The following KCND2 variants were observed in gnomAD, a reference collection of about 807,000 sequenced individuals.
KCND2 encodes the protein A-type voltage-gated potassium channel KCND2.
Under a neutral mutation model 54.4 loss-of-function variants are expected in KCND2, and 16 were observed. That is an observed-to-expected ratio of 0.29 (90% CI 0.20 to 0.45). KCND2 has a LOEUF of 0.45. KCND2 is among the 20% of genes least tolerant of loss of function. KCND2 has a pLI of 1.00. For missense variants in KCND2, 486 were observed against 824.2 expected, an observed-to-expected ratio of 0.59 and a Z score of 5.02; for synonymous variants, 317 against 310.7, an observed-to-expected ratio of 1.02 and a Z score of -0.21.
intron 1 of KCND2, among the ~76,000 whole-genome samples, chr7:120,380,566 A>G (rs1800903116): frequency 1.3e-5 from 2 of 152,052 alleles, no homozygotes; most frequent in African/African-American, 2.4e-5. Flanking sequence ...TCATCATTAG[A>G]TAGATAATAT....
chr7:120,702,854 C>T (rs942339111), intron 1 of KCND2, among the ~76,000 whole-genome samples: 1 of 152,010 alleles, frequency 6.6e-6, no homozygotes, highest in Admixed American at 6.6e-5. Context: ...ACCTGAGTGA[C>T]AAAATAATCT....
intron 1 of KCND2, among the ~76,000 whole-genome samples, chr7:120,630,061 A>G (rs1793214421): frequency 6.6e-6 from 1 of 152,128 alleles, no homozygotes; most frequent in Admixed American, 6.5e-5. Context: ...ACACCAAAGG[A>G]AAGAAGTCCC....
rs1273708047 is a variant in KCND2, at chr7:120,733,002, T to A, written c.1215T>A (p.Ile405=). Residue 405 remains isoleucine, a synonymous_variant, in exon 2 of 6, where the codon ATT becomes ATA. Transcript: ENST00000331113. ...VLVIALPVPV[I]VSNFSRIYHQ... is the part of the protein sequence containing the mutation. ...TCATTGCTCTACCTGTTCCGGTGAT[T>A]GTATCCAACTTCAGTCGCATCTACC... The A allele has an allele frequency of 6.2e-7, 1 of 1,613,578 alleles. No individual in the cohort carries two copies. Among genetic ancestry groups the A allele is most frequent in the Non-Finnish European group, 8.5e-7 (1 of 1,179,774 alleles).
chr7:120,462,007 A>G (rs1802290821), intron 1 of KCND2, among the ~76,000 whole-genome samples: 1 of 152,172 alleles, frequency 6.6e-6, no homozygotes, highest in South Asian at 2.1e-4. Context: ...AATGTCAAAC[A>G]TAAAATTATA....
At chr7:120,683,103 A>G (rs1172841211) in intron 1 of KCND2, among the ~76,000 whole-genome samples, 2 of 152,160 alleles carry the variant, frequency 1.3e-5, no homozygotes, top group Non-Finnish European at 2.9e-5. Flanking sequence ...CTTAGACAAT[A>G]TATTGATTTA....
chr7:120,355,087 T>C (rs1158978681), intron 1 of KCND2, among the ~76,000 whole-genome samples: 1 of 152,188 alleles, frequency 6.6e-6, no homozygotes, highest in East Asian at 1.9e-4. Flanking sequence ...CTCTCTAACA[T>C]ACATATAGAG....
chr7:120,275,724 C>T lies in KCND2; in HGVS notation c.1092C>T (p.Thr364=), dbSNP rs573823442. 3 of 1,600,566 alleles carry T rather than the reference C, an allele frequency of 1.9e-6. No homozygotes were observed. The highest frequency in any genetic ancestry group is 1.1e-5 in the South Asian group (1 of 91,080). ...FTSIPAAFWY[T]IVTMTTLGYG... ...GCATCCCTGCAGCCTTCTGGTATAC[C>T]ATCGTCACCATGACAACACTAGGGT... The change falls in exon 1 of 6, where the codon ACC becomes ACT. Residue 364 remains threonine, a synonymous_variant. Transcript: ENST00000331113.
At chr7:120,563,759 C>T (rs569996987) in intron 1 of KCND2, among the ~76,000 whole-genome samples, 1 of 152,264 alleles carries the variant, frequency 6.6e-6, no homozygotes, top group South Asian at 2.1e-4. Context: ...CCATGTAATA[C>T]CCTATCCCCA....
chr7:120,545,650 T>G (rs1792033568), intron 1 of KCND2, among the ~76,000 whole-genome samples: 1 of 151,830 alleles, frequency 6.6e-6, no homozygotes. Context: ...AGGCATACTC[T>G]GTGTATCTCT....
intron 1 of KCND2, among the ~76,000 whole-genome samples, chr7:120,629,862 C>A (rs909229170): frequency 2.2e-4 from 33 of 152,022 alleles, no homozygotes; most frequent in African/African-American, 8.0e-4. Flanking sequence ...TATATTGGAA[C>A]AAATAAGTGG....
intron 1 of KCND2, among the ~76,000 whole-genome samples, chr7:120,339,558 T>A (rs1800210030): frequency 6.6e-6 from 1 of 151,618 alleles, no homozygotes; most frequent in African/African-American, 2.4e-5. Context: ...TGTGTCCAGG[T>A]GAGTAGGATA....
intron 1 of KCND2, among the ~76,000 whole-genome samples, chr7:120,446,233 A>G (rs1302994140): frequency 1.3e-5 from 2 of 152,098 alleles, no homozygotes; most frequent in Non-Finnish European, 2.9e-5. Flanking sequence ...AACTTCTCTC[A>G]ATGCAATTCA....
chr7:120,479,796 C>CAAAAAAAAAA (rs771337674), intron 1 of KCND2, among the ~76,000 whole-genome samples: 1 of 75,604 alleles, frequency 1.3e-5, no homozygotes, highest in African/African-American at 4.4e-5. Context: ...TACACACACA[C>CAAAAAAAAAA]AAAAAAAAAA....
chr7:120,281,268 TC>T (rs1799257096), intron 1 of KCND2, among the ~76,000 whole-genome samples: 1 of 152,058 alleles, frequency 6.6e-6, no homozygotes, highest in Non-Finnish European at 1.5e-5. Flanking sequence ...TTCCCTTTCC[TC>T]CCTTCTACTC....
intron 1 of KCND2, among the ~76,000 whole-genome samples, chr7:120,518,881 A>C (rs977967023): frequency 2.0e-5 from 3 of 152,200 alleles, no homozygotes; most frequent in Admixed American, 6.6e-5. Context: ...TGATTTATAC[A>C]GGTAGACCCA....
intron 1 of KCND2, among the ~76,000 whole-genome samples, chr7:120,655,048 A>T (rs1218576696): frequency 2.0e-5 from 3 of 152,076 alleles, no homozygotes; most frequent in Non-Finnish European, 4.4e-5. Flanking sequence ...AACACAGAAT[A>T]TCATCCACAA....
At chr7:120,518,852 TAAATTA>T (rs1347921794) in intron 1 of KCND2, among the ~76,000 whole-genome samples, 59 of 152,216 alleles carry the variant, frequency 3.9e-4, no homozygotes, top group South Asian at 8.3e-4. Flanking sequence ...TTAGGGAGCT[TAAATTA>T]GGGATGTTAT....
chr7:120,521,819 A>G (rs919801309), intron 1 of KCND2, among the ~76,000 whole-genome samples: 1 of 152,158 alleles, frequency 6.6e-6, no homozygotes, highest in African/African-American at 2.4e-5. Context: ...CTTGAAGTGT[A>G]CTTGTAGTGT....
intron 1 of KCND2, among the ~76,000 whole-genome samples, chr7:120,679,560 T>A (rs558938372): frequency 1.3e-5 from 2 of 152,208 alleles, no homozygotes; most frequent in East Asian, 3.9e-4. Context: ...TAGACAATCC[T>A]GCATGTATTT....
Sources: allele counts gnomAD v4.1 joint callset (sites outside exome capture counted in the v4.1 genomes callset), GRCh38; gene constraint gnomAD v4.1.1; transcripts MANE v1.5; gene names NCBI Gene and HGNC (gene_info 2026-07-23, HGNC 2026-07-21).